ARB2A: variants seen among roughly 807,000 people sequenced by gnomAD.
ARB2A encodes the protein cotranscriptional regulator ARB2A.
At chr5:93,715,954 A>T in the ARB2A span, among the ~76,000 whole-genome samples, 1 of 152,216 alleles carries the variant, frequency 6.6e-6, no homozygotes, top group South Asian at 2.1e-4. Context: ...AAAACCACAC[A>T]ATGGCTTATC....
chr5:93,694,809 C>A, the ARB2A span, among the ~76,000 whole-genome samples: 1 of 152,114 alleles, frequency 6.6e-6, no homozygotes, highest in Admixed American at 6.5e-5. Flanking sequence ...CTACAGTAAC[C>A]AAAACAGCAC....
chr5:93,938,356 T>A, the ARB2A span, among the ~76,000 whole-genome samples: 1 of 152,236 alleles, frequency 6.6e-6, no homozygotes, highest in Non-Finnish European at 1.5e-5. Context: ...CTGATTTTAT[T>A]ACACCAAAAT....
At chr5:94,020,251 T>C in the ARB2A span, among the ~76,000 whole-genome samples, 3 of 88,158 alleles carry the variant, frequency 3.4e-5, no homozygotes, top group Non-Finnish European at 4.5e-5. Flanking sequence ...GCGGGGGGGG[T>C]AACATCACAC....
chr5:93,965,924 T>C, the ARB2A span, among the ~76,000 whole-genome samples: 1 of 152,080 alleles, frequency 6.6e-6, no homozygotes, highest in Non-Finnish European at 1.5e-5. Context: ...AACAGCTTTA[T>C]CTTGGCTGGT....
chr5:93,870,298 T>C, the ARB2A span, among the ~76,000 whole-genome samples: 5 of 152,194 alleles, frequency 3.3e-5, no homozygotes, highest in Admixed American at 6.5e-5. Flanking sequence ...TTAAATGAGA[T>C]AGATCCAAAT....
chr5:93,837,317 G>C, the ARB2A span, among the ~76,000 whole-genome samples: 2 of 152,096 alleles, frequency 1.3e-5, no homozygotes, highest in African/African-American at 4.8e-5. Flanking sequence ...TGGCTGTGTA[G>C]TATTCCACGG....
chr5:93,644,288 T>C, the ARB2A span, among the ~76,000 whole-genome samples: 1 of 152,230 alleles, frequency 6.6e-6, no homozygotes, highest in East Asian at 1.9e-4. Flanking sequence ...ATGAGATCTA[T>C]TGCATTTACT....
At chr5:94,107,447 T>C in the ARB2A span, among the ~76,000 whole-genome samples, 1 of 151,538 alleles carries the variant, frequency 6.6e-6, no homozygotes, top group African/African-American at 2.4e-5. Flanking sequence ...TTGATTTAAA[T>C]GAGCTTTATA....
At chr5:93,846,000 G>GACACACACAC in the ARB2A span, among the ~76,000 whole-genome samples, 22 of 146,666 alleles carry the variant, frequency 1.5e-4, no homozygotes, top group African/African-American at 4.8e-4. Flanking sequence ...CTCTCTCTGT[G>GACACACACAC]ACACACACAC....
chr5:94,055,741 T>C, the ARB2A span: 1 of 985,466 alleles, frequency 1.0e-6, no homozygotes, highest in Non-Finnish European at 1.2e-6. Flanking sequence ...TGTTCTCATT[T>C]TCCTTCTTCC....
the ARB2A span, among the ~76,000 whole-genome samples, chr5:93,849,226 G>GA: frequency 1.3e-5 from 2 of 151,626 alleles, no homozygotes; most frequent in Admixed American, 6.6e-5. Flanking sequence ...ACAAATAATT[G>GA]AAAAAAAATT....
the ARB2A span, among the ~76,000 whole-genome samples, chr5:94,105,016 G>T: frequency 1.3e-4 from 19 of 151,942 alleles, no homozygotes; most frequent in Non-Finnish European, 2.8e-4. Flanking sequence ...AGCCAGTTAT[G>T]ACAAATCCAC....
At chr5:93,728,453 T>C in the ARB2A span, among the ~76,000 whole-genome samples, 1 of 152,094 alleles carries the variant, frequency 6.6e-6, no homozygotes, top group Non-Finnish European at 1.5e-5. Context: ...TAAGAGATTG[T>C]CTTGTGTCTG....
chr5:93,920,979 A>AT, the ARB2A span, among the ~76,000 whole-genome samples: 2 of 152,108 alleles, frequency 1.3e-5, no homozygotes, highest in Non-Finnish European at 2.9e-5. Flanking sequence ...GAAACTCTGA[A>AT]TAACACCATG....
chr5:93,692,305 A>T, the ARB2A span, among the ~76,000 whole-genome samples: 1 of 152,230 alleles, frequency 6.6e-6, no homozygotes, highest in African/African-American at 2.4e-5. Context: ...AGTCACACAT[A>T]GGCTCAAAAT....
chr5:94,105,067 C>T, the ARB2A span, among the ~76,000 whole-genome samples: 1 of 151,974 alleles, frequency 6.6e-6, no homozygotes, highest in African/African-American at 2.4e-5. Context: ...AGAGACATTT[C>T]CCTTGAAAAC....
At chr5:93,654,320 C>T in the ARB2A span, among the ~76,000 whole-genome samples, 1 of 152,070 alleles carries the variant, frequency 6.6e-6, no homozygotes, top group Non-Finnish European at 1.5e-5. Flanking sequence ...TGTGGTCCTT[C>T]TTATCTTTAT....
the ARB2A span, among the ~76,000 whole-genome samples, chr5:93,844,838 G>A: frequency 0.32 from 48,002 of 151,992 alleles, 7,995 homozygotes; most frequent in South Asian, 0.52. Flanking sequence ...CTAATGAGCC[G>A]GACCTGGATT....
chr5:93,987,793 A>T, the ARB2A span, among the ~76,000 whole-genome samples: 27 of 152,182 alleles, frequency 1.8e-4, no homozygotes, highest in Non-Finnish European at 7.3e-5. Flanking sequence ...CCCAATAACC[A>T]GATTCTTAAA....
Sources: allele counts gnomAD v4.1 joint callset (sites outside exome capture counted in the v4.1 genomes callset), GRCh38; gene constraint gnomAD v4.1.1; transcripts MANE v1.5; gene names NCBI Gene and HGNC (gene_info 2026-07-23, HGNC 2026-07-21).